ADAMTSL1: variants seen among roughly 807,000 people sequenced by gnomAD.
ADAMTSL1 encodes ADAMTS like 1.
Under a neutral mutation model 201.8 loss-of-function variants are expected in ADAMTSL1, and 126 were observed. The ratio of observed to expected loss-of-function variants is 0.62; its 90% CI spans 0.54 to 0.72. ADAMTSL1 has a LOEUF of 0.72. ADAMTSL1 is among the 30% of genes least tolerant of loss of function. ADAMTSL1 has a pLI of 0.00. For missense variants in ADAMTSL1, 2,679 were observed against 2,277.8 expected, an observed-to-expected ratio of 1.18 and a Z score of -3.59; for synonymous variants, 1,121 against 903.4, an observed-to-expected ratio of 1.24 and a Z score of -4.32.
In ADAMTSL1 at chr9:18,609,714, C is replaced by A. The variant is rs1041094813; in HGVS notation, c.475-12529C>A. ...TGCTATTTGCACAGTGACTACATATCCCCCCCCTAAAATAATCAACACACA... is the reference window on the plus strand; with the variant it reads ...TGCTATTTGCACAGTGACTACATATACCCCCCCTAAAATAATCAACACACA... On this transcript the variant is annotated intron_variant, in intron 4 of 28. Transcript: ENST00000380548. Among the ~76,000 whole-genome samples the A allele has an allele frequency of 3.3e-5, 5 of 151,512 alleles. No homozygotes were observed. The South Asian group carries it at 8.4e-4, about 25-fold the overall frequency.
At chr9:17,915,870 C>T (rs543792002) in intron 1 of ADAMTSL1, among the ~76,000 whole-genome samples, 53 of 152,058 alleles carry the variant, frequency 3.5e-4, no homozygotes, top group Non-Finnish European at 6.2e-4. Context: ...AATATTTAGC[C>T]CATTATAGGA....
chr9:18,220,507 T>C (rs543220631), intron 2 of ADAMTSL1, among the ~76,000 whole-genome samples: 1 of 152,308 alleles, frequency 6.6e-6, no homozygotes, highest in African/African-American at 2.4e-5. Context: ...TGTCAGTATG[T>C]GTTTCTCTTC....
intron 1 of ADAMTSL1, among the ~76,000 whole-genome samples, chr9:18,037,880 C>T (rs886203896): frequency 2.0e-5 from 3 of 152,174 alleles, no homozygotes; most frequent in African/African-American, 7.2e-5. Flanking sequence ...TTAAAATAGG[C>T]ATGTTCTCCA....
chr9:18,267,133 A>T (rs1945722550), intron 2 of ADAMTSL1, among the ~76,000 whole-genome samples: 1 of 152,158 alleles, frequency 6.6e-6, no homozygotes, highest in African/African-American at 2.4e-5. Context: ...TCTTACAAAC[A>T]TCACTTTATG....
intron 21 of ADAMTSL1, 86 bp downstream of exon 21, chr9:18,817,323 A>G (rs1727314887): frequency 7.3e-7 from 1 of 1,374,008 alleles, no homozygotes; most frequent in Non-Finnish European, 9.9e-7. Flanking sequence ...CACAAATTCT[A>G]CTCTCAGGGA....
At chr9:18,497,710 T>G (rs1029426647) in intron 1 of ADAMTSL1, among the ~76,000 whole-genome samples, 3 of 152,202 alleles carry the variant, frequency 2.0e-5, no homozygotes, top group Non-Finnish European at 4.4e-5. Flanking sequence ...CTGTCGAAAA[T>G]TTCCTGAATA....
chr9:18,666,006 T>C (rs957110687), intron 9 of ADAMTSL1, among the ~76,000 whole-genome samples: 1 of 152,168 alleles, frequency 6.6e-6, no homozygotes, highest in African/African-American at 2.4e-5. Flanking sequence ...GAGATCATAC[T>C]TTATACAGTA....
intron 1 of ADAMTSL1, among the ~76,000 whole-genome samples, chr9:18,079,960 T>C (rs549775300): frequency 7.2e-5 from 11 of 152,018 alleles, no homozygotes; most frequent in African/African-American, 2.4e-4. Context: ...CCACATGCTG[T>C]TGAAGAATTG....
At chr9:18,004,734 T>C (rs1376552649) in intron 1 of ADAMTSL1, among the ~76,000 whole-genome samples, 1 of 152,054 alleles carries the variant, frequency 6.6e-6, no homozygotes, top group Admixed American at 6.6e-5. Context: ...TGACTAAAGA[T>C]AAGAACTCAG....
chr9:18,661,486 A>G (rs1460285189), intron 8 of ADAMTSL1, among the ~76,000 whole-genome samples: 1 of 152,166 alleles, frequency 6.6e-6, no homozygotes, highest in Non-Finnish European at 1.5e-5. Flanking sequence ...CAAGGGGAGC[A>G]ATGTGGGATT....
intron 14 of ADAMTSL1, among the ~76,000 whole-genome samples, chr9:18,707,537 C>G (rs923331885): frequency 6.6e-6 from 1 of 152,164 alleles, no homozygotes; most frequent in Non-Finnish European, 1.5e-5. Context: ...TTACCTGGAG[C>G]TGGAAAGGAG....
intron 23 of ADAMTSL1, among the ~76,000 whole-genome samples, chr9:18,878,942 G>A (rs1828348750): frequency 6.6e-6 from 1 of 152,176 alleles, no homozygotes. Flanking sequence ...GCACAATAAG[G>A]CAGCCTCTGA....
chr9:18,751,579 A>C (rs1022445026), intron 15 of ADAMTSL1, among the ~76,000 whole-genome samples: 1 of 152,224 alleles, frequency 6.6e-6, no homozygotes, highest in Non-Finnish European at 1.5e-5. Flanking sequence ...AACCAATAAC[A>C]TTAACTATCT....
At chr9:18,618,141 C>CT (rs1283091561) in intron 4 of ADAMTSL1, among the ~76,000 whole-genome samples, 2 of 152,142 alleles carry the variant, frequency 1.3e-5, no homozygotes, top group Non-Finnish European at 2.9e-5. Flanking sequence ...TACAGCAATT[C>CT]TTGTTGATGC....
intron 2 of ADAMTSL1, among the ~76,000 whole-genome samples, chr9:18,203,330 G>C (rs75819206): frequency 0.016 from 2,422 of 152,032 alleles, 37 homozygotes; most frequent in Non-Finnish European, 0.026. Flanking sequence ...GATAGTGTTG[G>C]TGCTTCCTCC....
At position 18,287,764 on chromosome 9, in the gene ADAMTSL1, G is replaced by A. The variant is rs372977093; in HGVS notation, c.207+123783G>A. On this transcript the variant is annotated intron_variant, in intron 2 of 29. Coordinates refer to the ADAMTSL1 transcript ENST00000680146. The stretch of plus-strand genomic sequence containing the variant: ...TGGTTCCCACAGGGAGATATATTGG[G>A]GTGCATATATATAGTCTTCCAGTTG... Among the ~76,000 whole-genome samples, 8 of 144,320 alleles carry A rather than the reference G, an allele frequency of 5.5e-5. No individual in the cohort carries two copies. In the South Asian group the frequency reaches 9.0e-4, roughly 16 times the overall value. The allele number at this position is 144,320 out of a possible 152,430, so 94.7% of individuals were successfully genotyped here. A position where few individuals can be genotyped will look rare whatever the true frequency, so the allele number is the denominator to read the frequency against.
intron 2 of ADAMTSL1, among the ~76,000 whole-genome samples, chr9:18,294,789 A>T (rs1408796403): frequency 6.6e-6 from 1 of 152,208 alleles, no homozygotes; most frequent in Non-Finnish European, 1.5e-5. Context: ...ACCCGGTGGA[A>T]GGTGGGTAAC....
At chr9:18,363,485 G>C (rs1221532256) in intron 2 of ADAMTSL1, among the ~76,000 whole-genome samples, 3 of 152,212 alleles carry the variant, frequency 2.0e-5, no homozygotes, top group African/African-American at 7.2e-5. Context: ...TAAGCTGTGT[G>C]ACCTTAAGTT....
intron 23 of ADAMTSL1, among the ~76,000 whole-genome samples, chr9:18,853,118 G>A (rs1170738567): frequency 6.6e-6 from 1 of 152,188 alleles, no homozygotes; most frequent in Non-Finnish European, 1.5e-5. Flanking sequence ...ATGACCTCAT[G>A]GCATCTGAGT....
Sources: allele counts gnomAD v4.1 joint callset (sites outside exome capture counted in the v4.1 genomes callset), GRCh38; gene constraint gnomAD v4.1.1; transcripts MANE v1.5; gene names NCBI Gene and HGNC (gene_info 2026-07-23, HGNC 2026-07-21).